DLC1: variants seen among roughly 807,000 people sequenced by gnomAD.
DLC1 encodes the protein DLC1 Rho GTPase activating protein.
A neutral mutation model predicts 140.3 loss-of-function variants in DLC1; 54 were observed. The observed-to-expected ratio is 0.38, with a 90% CI of 0.31 to 0.48. The LOEUF is 0.48. DLC1 is among the 20% of genes least tolerant of loss of function. The probability of loss-of-function intolerance (pLI) is 0.96; values close to 1 mark genes in which losing one functional copy is unlikely to be tolerated. For synonymous variants in DLC1, 986 were observed against 728.1 expected, an observed-to-expected ratio of 1.35 and a Z score of -5.70; for missense variants, 2,536 against 1,907.0, an observed-to-expected ratio of 1.33 and a Z score of -6.14.
intron 1 of DLC1, among the ~76,000 whole-genome samples, chr8:13,519,994 G>A (rs564903158): frequency 6.6e-6 from 1 of 152,306 alleles, no homozygotes; most frequent in African/African-American, 2.4e-5. Flanking sequence ...AGAGGATGTG[G>A]AGAAATAGGA....
chr8:13,362,213 G>A (rs775491276), intron 4 of DLC1, among the ~76,000 whole-genome samples: 13 of 152,258 alleles, frequency 8.5e-5, no homozygotes, highest in Non-Finnish European at 1.3e-4. Flanking sequence ...AGATGACCTC[G>A]ATGACACTTC....
intron 4 of DLC1, among the ~76,000 whole-genome samples, chr8:13,333,984 G>A (rs1833709500): frequency 1.3e-5 from 2 of 152,298 alleles, no homozygotes; most frequent in Middle Eastern, 3.4e-3. Context: ...TGACCTTCCA[G>A]TGGGGAAGAT....
chr8:13,472,143 C>T (rs1800236665), intron 2 of DLC1, among the ~76,000 whole-genome samples: 1 of 152,124 alleles, frequency 6.6e-6, no homozygotes. Context: ...ATAACAAGCG[C>T]CAACTTATTT....
chr8:13,124,003 T>A (rs1260008136), intron 5 of DLC1, among the ~76,000 whole-genome samples: 1 of 152,234 alleles, frequency 6.6e-6, no homozygotes, highest in African/African-American at 2.4e-5. Context: ...AACACGTGTC[T>A]GTATATGTAA....
chr8:13,573,995 A>G (rs1804753122), intron 1 of DLC1, among the ~76,000 whole-genome samples: 1 of 152,156 alleles, frequency 6.6e-6, no homozygotes, highest in Admixed American at 6.5e-5. Context: ...GATGGTGCTC[A>G]ATGAAACTTT....
At chr8:13,307,263 A>G (rs1439368673) in intron 4 of DLC1, among the ~76,000 whole-genome samples, 1 of 152,076 alleles carries the variant, frequency 6.6e-6, no homozygotes, top group Non-Finnish European at 1.5e-5. Context: ...ATTAAATGGC[A>G]GCTTGGGGGA....
chr8:13,528,116 T>C (rs182265820), intron 1 of DLC1, among the ~76,000 whole-genome samples: 15 of 152,190 alleles, frequency 9.9e-5, no homozygotes, highest in Non-Finnish European at 1.9e-4. Context: ...ATCTTAACCA[T>C]AAGAATCAAG....
chr8:13,377,685 A>G (rs774707401), intron 4 of DLC1, among the ~76,000 whole-genome samples: 17 of 152,088 alleles, frequency 1.1e-4, no homozygotes, highest in Non-Finnish European at 2.4e-4. Context: ...TTTTCATAAC[A>G]TTACAAGTCA....
chr8:13,109,727 T>A (rs1819908431), intron 7 of DLC1, among the ~76,000 whole-genome samples: 1 of 151,388 alleles, frequency 6.6e-6, no homozygotes, highest in East Asian at 2.0e-4. Context: ...CTACTGAAAA[T>A]ACACAAAATT....
At chr8:13,308,221 C>T (rs374542676) in intron 4 of DLC1, among the ~76,000 whole-genome samples, 1 of 152,166 alleles carries the variant, frequency 6.6e-6, no homozygotes, top group African/African-American at 2.4e-5. Flanking sequence ...TGGCCAATGT[C>T]CATATTTCAT....
chr8:13,565,992 G>A lies in DLC1; in HGVS notation c.-126+38545C>T, dbSNP rs557150647. Among the ~76,000 whole-genome samples the A allele has an allele frequency of 1.8e-3, 276 of 152,322 alleles. 3 individuals carry two copies. Among genetic ancestry groups the A allele is most frequent in the South Asian group, 7.9e-3 (38 of 4,830 alleles). ...ATTTCTCCAAATCCTCTGGACGTGT[G>A]TAAGGTAAGATTTATTTGTTCCATA... On this transcript the variant is annotated intron_variant, in intron 1 of 1. Coordinates refer to the DLC1 transcript ENST00000631382.
chr8:13,206,007 T>A (rs565765743), intron 5 of DLC1, among the ~76,000 whole-genome samples: 1 of 152,324 alleles, frequency 6.6e-6, no homozygotes, highest in Admixed American at 6.5e-5. Flanking sequence ...TTACTCTTTT[T>A]CAAAGTGAAC....
intron 5 of DLC1, among the ~76,000 whole-genome samples, chr8:13,213,172 G>C (rs571465661): frequency 1.2e-4 from 19 of 152,152 alleles, no homozygotes; most frequent in Non-Finnish European, 2.4e-4. Flanking sequence ...GAATTTATAG[G>C]CTCTGAGAAA....
chr8:13,346,230 C>T (rs1834333349), intron 4 of DLC1, among the ~76,000 whole-genome samples: 1 of 152,170 alleles, frequency 6.6e-6, no homozygotes, highest in African/African-American at 2.4e-5. Context: ...TTTGAGTATA[C>T]ACAATTTTTT....
chr8:13,602,774 C>G (rs181759856), intron 1 of DLC1, among the ~76,000 whole-genome samples: 106 of 151,826 alleles, frequency 7.0e-4, no homozygotes, highest in Admixed American at 2.5e-3. Context: ...TCATATTTCC[C>G]AGAGTTTTGG....
chr8:13,445,249 C>G (rs1316471565), intron 2 of DLC1, among the ~76,000 whole-genome samples: 1 of 152,052 alleles, frequency 6.6e-6, no homozygotes, highest in Non-Finnish European at 1.5e-5. Context: ...GGGCAGTTGG[C>G]CACAGATGGC....
intron 2 of DLC1, among the ~76,000 whole-genome samples, chr8:13,422,365 A>T (rs1392092034): frequency 6.6e-6 from 1 of 151,996 alleles, no homozygotes; most frequent in Non-Finnish European, 1.5e-5. Context: ...AAGTAGTAAA[A>T]GTAGTATTTC....
chr8:13,286,729 GAA>G (rs988288934), intron 5 of DLC1, among the ~76,000 whole-genome samples: 2 of 100,986 alleles, frequency 2.0e-5, no homozygotes, highest in African/African-American at 7.2e-5. Flanking sequence ...AAAAAAAATA[GAA>G]AAAAAAAAAA....
At chr8:13,274,578 T>A (rs1432207460) in intron 5 of DLC1, among the ~76,000 whole-genome samples, 1 of 152,222 alleles carries the variant, frequency 6.6e-6, no homozygotes, top group African/African-American at 2.4e-5. Context: ...TGTTATGTTT[T>A]GACTCCAAAC....
Sources: allele counts gnomAD v4.1 joint callset (sites outside exome capture counted in the v4.1 genomes callset), GRCh38; gene constraint gnomAD v4.1.1; transcripts MANE v1.5; gene names NCBI Gene and HGNC (gene_info 2026-07-23, HGNC 2026-07-21).